Variants in SCRN1 observed in about 807,000 individuals in gnomAD.
The protein encoded by SCRN1 is secernin 1.
Under a neutral mutation model 43.3 loss-of-function variants are expected in SCRN1, and 19 were observed. That is an observed-to-expected ratio of 0.44 (90% CI 0.31 to 0.64). SCRN1 has a LOEUF of 0.64. Among genes scored for constraint, SCRN1 ranks in the 30% least tolerant of loss-of-function variants. The pLI is 0.09. For synonymous variants in SCRN1, 183 were observed against 188.9 expected, an observed-to-expected ratio of 0.97 and a Z score of 0.26; for missense variants, 447 against 524.1, an observed-to-expected ratio of 0.85 and a Z score of 1.44.
At chr7:29,986,236 G>A (rs911772595) in intron 1 of SCRN1, among the ~76,000 whole-genome samples, 4 of 152,124 alleles carry the variant, frequency 2.6e-5, no homozygotes, top group Non-Finnish European at 4.4e-5. Flanking sequence ...GCCCTGTCTC[G>A]AGAGAGAGCA....
Position 29,989,632 on chromosome 7 carries a change from C to A in SCRN1, c.-2+10G>T, listed in dbSNP as rs561119177. On this transcript the variant is annotated intron_variant, in intron 1 of 7. Coordinates refer to ENST00000242059, the MANE Select transcript of SCRN1 (RefSeq NM_014766.5). ...GCTGCAAACGCCCTGCGCTCCCAGACGCGGCTCACCTGGGGCGGCGGGCTC... is the reference window on the plus strand; with the variant it reads ...GCTGCAAACGCCCTGCGCTCCCAGAAGCGGCTCACCTGGGGCGGCGGGCTC... 3.0e-6 allele frequency: 3 copies of A among 985,618 alleles called. No individual in the cohort carries two copies. The highest frequency in any genetic ancestry group is 4.7e-5 in the South Asian group (1 of 21,290). The allele number at this position is 985,618 out of a possible 1,614,324, so 61.1% of individuals were successfully genotyped here.
Position 29,947,412 on chromosome 7 carries a change from A to G in SCRN1, c.342-3233T>C, listed in dbSNP as rs1476408978. The G allele has an allele frequency of 8.4e-6, 12 of 1,431,390 alleles. No homozygotes were observed. In the South Asian group the frequency reaches 1.4e-4, roughly 16 times the overall value. 88.7% of individuals were successfully genotyped at this position (1,431,390 alleles called of 1,614,324 possible). ...TTATCTTTTCAACATCTGTGCCTCC[A>G]TGGATTAGGAGATCCCTGTCCTTTT... On this transcript the variant is annotated intron_variant, in intron 3 of 7. Transcript: ENST00000242059.
chr7:29,939,467 A>G (rs1787457422), intron 5 of SCRN1, among the ~76,000 whole-genome samples: 2 of 152,272 alleles, frequency 1.3e-5, no homozygotes, highest in Non-Finnish European at 1.5e-5. Flanking sequence ...CCTCTGCCTC[A>G]GCCTCCCCAA....
At chr7:29,969,377 C>A in intron 1 of SCRN1, 1 of 375,012 alleles carries the variant, frequency 2.7e-6, no homozygotes, top group South Asian at 3.1e-5. Flanking sequence ...AGGCAGAAGA[C>A]ACAGACACAC....
At chr7:29,981,986 G>T (rs746710261) in intron 1 of SCRN1, among the ~76,000 whole-genome samples, 1 of 152,188 alleles carries the variant, frequency 6.6e-6, no homozygotes, top group Non-Finnish European at 1.5e-5. Context: ...ACTAGTACAG[G>T]CTAGGCACAA....
At chr7:29,927,942 A>G (rs916250696) in intron 6 of SCRN1, among the ~76,000 whole-genome samples, 1 of 152,032 alleles carries the variant, frequency 6.6e-6, no homozygotes, top group African/African-American at 2.4e-5. Context: ...CCAACATGGT[A>G]AAACCCCGTT....
chr7:29,967,095 G>A lies in SCRN1; in HGVS notation c.159+1814C>T, dbSNP rs78128142. 4.5e-3 allele frequency among the ~76,000 whole-genome samples: 689 copies of A among 152,178 alleles called. 4 individuals are homozygous for A. Among genetic ancestry groups the A allele is most frequent in the African/African-American group, 0.016 (651 of 41,546 alleles). On this transcript the variant is annotated intron_variant, in intron 2 of 7. Transcript: ENST00000242059. Reference sequence around the variant, plus strand: ...CAGAGCACCAAAGAATAGAGGTTATGTAGTGAAAAGAGCTTCTTCATTTAC... The same window carrying A: ...CAGAGCACCAAAGAATAGAGGTTATATAGTGAAAAGAGCTTCTTCATTTAC...
chr7:29,983,747 A>C (rs1325286835), intron 1 of SCRN1, among the ~76,000 whole-genome samples: 1 of 152,260 alleles, frequency 6.6e-6, no homozygotes, highest in East Asian at 1.9e-4. Context: ...ATAAAGTTCC[A>C]GTATTAAGAT....
intron 1 of SCRN1, among the ~76,000 whole-genome samples, chr7:29,988,053 A>T (rs953780841): frequency 1.1e-4 from 16 of 152,330 alleles, no homozygotes; most frequent in Middle Eastern, 3.4e-3. Flanking sequence ...GTTTAAAAAA[A>T]AAAAATTCTA....
intron 1 of SCRN1, among the ~76,000 whole-genome samples, chr7:29,980,678 A>G (rs1788968189): frequency 6.6e-6 from 1 of 152,240 alleles, no homozygotes; most frequent in African/African-American, 2.4e-5. Flanking sequence ...GGGTTACTTT[A>G]TGTCTGGCAA....
At chr7:29,933,660 C>T (rs1787231579) in intron 6 of SCRN1, among the ~76,000 whole-genome samples, 1 of 152,128 alleles carries the variant, frequency 6.6e-6, no homozygotes, top group African/African-American at 2.4e-5. Context: ...CTCAGGCATT[C>T]AAACTCTGAC....
chr7:29,928,110 G>C (rs895895814), intron 6 of SCRN1, among the ~76,000 whole-genome samples: 2 of 152,114 alleles, frequency 1.3e-5, no homozygotes, highest in Admixed American at 6.5e-5. Flanking sequence ...GTGACTGAGC[G>C]AGACTTTGTC....
At chr7:29,953,463 T>G (rs1243451008) in intron 3 of SCRN1, among the ~76,000 whole-genome samples, 1 of 152,088 alleles carries the variant, frequency 6.6e-6, no homozygotes, top group African/African-American at 2.4e-5. Flanking sequence ...AAAATGGTAA[T>G]TTTGCCTGTT....
At chr7:29,949,382 T>TC (rs1209831085) in intron 3 of SCRN1, among the ~76,000 whole-genome samples, 1 of 129,452 alleles carries the variant, frequency 7.7e-6, no homozygotes, top group African/African-American at 3.0e-5. Context: ...CCTTCACTCT[T>TC]TTTTTTTTTT....
In SCRN1 at chr7:29,945,190, C is replaced by T. The variant is rs534840458; in HGVS notation, c.342-1011G>A. On this transcript the variant is annotated intron_variant, in intron 3 of 7. Coordinates refer to ENST00000242059, the MANE Select transcript of SCRN1 (RefSeq NM_014766.5). ...CTTTGAAGTGAGACATCCATCTCCC[C>T]CTAGCCTTTCCAATTAATAAACCCT... 1.2e-4 allele frequency among the ~76,000 whole-genome samples: 18 copies of T among 152,296 alleles called. No individual in the cohort carries two copies. In the Middle Eastern group the frequency reaches 0.014, roughly 115 times the overall value.
At chr7:29,933,287 T>G (rs923013270) in intron 6 of SCRN1, among the ~76,000 whole-genome samples, 3 of 152,220 alleles carry the variant, frequency 2.0e-5, no homozygotes, top group African/African-American at 4.8e-5. Context: ...TTTATGGCAT[T>G]TGCCAATTTC....
chr7:29,976,098 A>C (rs1168089649), intron 1 of SCRN1, among the ~76,000 whole-genome samples: 1 of 152,130 alleles, frequency 6.6e-6, no homozygotes, highest in Non-Finnish European at 1.5e-5. Flanking sequence ...AATATCTGCT[A>C]CTTTTTCTCC....
At chr7:29,957,839 T>C (rs1250783460) in intron 2 of SCRN1, among the ~76,000 whole-genome samples, 1 of 152,182 alleles carries the variant, frequency 6.6e-6, no homozygotes, top group Non-Finnish European at 1.5e-5. Flanking sequence ...AGGGTCTCTA[T>C]GGTCCAGAGA....
At chr7:29,956,920 T>C (rs1374246199) in intron 2 of SCRN1, among the ~76,000 whole-genome samples, 2 of 152,204 alleles carry the variant, frequency 1.3e-5, no homozygotes, top group African/African-American at 4.8e-5. Context: ...CTCTTCTAAA[T>C]GGAATTGACG....
Sources: allele counts gnomAD v4.1 joint callset (sites outside exome capture counted in the v4.1 genomes callset), GRCh38; gene constraint gnomAD v4.1.1; transcripts MANE v1.5; gene names NCBI Gene and HGNC (gene_info 2026-07-23, HGNC 2026-07-21).